The following ASIC2 variants were observed in gnomAD, a reference collection of about 807,000 sequenced individuals.
ASIC2 encodes acid sensing ion channel subunit 2.
A neutral mutation model predicts 57.3 loss-of-function variants in ASIC2; 25 were observed. The ratio of observed to expected loss-of-function variants is 0.44; its 90% CI spans 0.32 to 0.61. ASIC2 has a LOEUF of 0.61. ASIC2 is among the 20% of genes least tolerant of loss of function. The pLI, the probability that ASIC2 is intolerant of heterozygous loss-of-function variation, is 0.06. For missense variants in ASIC2, 641 were observed against 738.1 expected (o/e 0.87, Z 1.52); for synonymous variants, 319 against 307.5 (o/e 1.04, Z -0.39).
chr17:34,129,591 T>C (rs1911892400), intron 1 of ASIC2, among the ~76,000 whole-genome samples: 1 of 152,200 alleles, frequency 6.6e-6, no homozygotes, highest in Non-Finnish European at 1.5e-5. Context: ...AGAATAAACA[T>C]CACTGCCTAT....
At chr17:33,886,306 C>T (rs1173709152) in intron 1 of ASIC2, among the ~76,000 whole-genome samples, 1 of 152,036 alleles carries the variant, frequency 6.6e-6, no homozygotes, top group Non-Finnish European at 1.5e-5. Flanking sequence ...GACACACGAC[C>T]CTTTTTGATG....
intron 1 of ASIC2, among the ~76,000 whole-genome samples, chr17:33,237,388 T>C (rs1417647954): frequency 6.6e-6 from 1 of 152,016 alleles, no homozygotes; most frequent in Non-Finnish European, 1.5e-5. Context: ...TGTGCTCTTG[T>C]TGCCCAGGCT....
chr17:33,270,898 G>A (rs775985310), intron 1 of ASIC2, among the ~76,000 whole-genome samples: 1 of 152,110 alleles, frequency 6.6e-6, no homozygotes, highest in Non-Finnish European at 1.5e-5. Flanking sequence ...CAACATCTTG[G>A]ATAAACTGCA....
At chr17:33,050,056 A>C (rs532309342) in intron 3 of ASIC2, among the ~76,000 whole-genome samples, 1 of 152,328 alleles carries the variant, frequency 6.6e-6, no homozygotes, top group African/African-American at 2.4e-5. Flanking sequence ...AGAAAATGCT[A>C]TCGGGTAAGC....
intron 3 of ASIC2, among the ~76,000 whole-genome samples, chr17:33,033,040 C>T (rs903360917): frequency 1.2e-4 from 18 of 152,188 alleles, no homozygotes; most frequent in African/African-American, 2.9e-4. Flanking sequence ...GAGGCAAGGC[C>T]GAAGGATTCC....
At chr17:33,206,335 C>G (rs1456408730) in intron 1 of ASIC2, among the ~76,000 whole-genome samples, 1 of 152,140 alleles carries the variant, frequency 6.6e-6, no homozygotes, top group Non-Finnish European at 1.5e-5. Context: ...CACTTGTTGG[C>G]TGCTCTGCAT....
intron 1 of ASIC2, among the ~76,000 whole-genome samples, chr17:34,079,639 C>T (rs1226249781): frequency 6.6e-6 from 1 of 152,222 alleles, no homozygotes; most frequent in Non-Finnish European, 1.5e-5. Flanking sequence ...TAATACCTAA[C>T]ACAGGACTGA....
chr17:33,554,497 G>C (rs558926253), intron 1 of ASIC2, among the ~76,000 whole-genome samples: 3 of 152,120 alleles, frequency 2.0e-5, no homozygotes, highest in African/African-American at 4.8e-5. Context: ...TAGGGGAAGG[G>C]GTATTTCAAG....
At chr17:33,249,513 G>T (rs889271078) in intron 1 of ASIC2, among the ~76,000 whole-genome samples, 1 of 152,172 alleles carries the variant, frequency 6.6e-6, no homozygotes, top group African/African-American at 2.4e-5. Flanking sequence ...GGGGAGAAGA[G>T]GAGTCTCCGC....
intron 1 of ASIC2, among the ~76,000 whole-genome samples, chr17:33,552,909 C>T (rs996680687): frequency 2.6e-5 from 4 of 152,292 alleles, no homozygotes; most frequent in East Asian, 1.9e-4. Flanking sequence ...TCTCTTGCAC[C>T]GCCCTGGAGC....
intron 1 of ASIC2, among the ~76,000 whole-genome samples, chr17:33,874,278 G>T (rs1347576393): frequency 2.0e-5 from 3 of 152,102 alleles, no homozygotes; most frequent in African/African-American, 7.2e-5. Context: ...GGGATGAAAG[G>T]ACTTTAGACC....
chr17:34,119,421 A>G (rs995592743), intron 1 of ASIC2, among the ~76,000 whole-genome samples: 1 of 152,168 alleles, frequency 6.6e-6, no homozygotes, highest in Non-Finnish European at 1.5e-5. Context: ...ATACAGTTTG[A>G]TGTCTATTTT....
rs1412847921 is a variant in ASIC2, at chr17:33,762,814, G to C, written c.555+393164C>G. 2.0e-5 allele frequency among the ~76,000 whole-genome samples: 3 copies of C among 152,206 alleles called. No individual in the cohort carries two copies. In the South Asian group the frequency reaches 6.2e-4, roughly 32 times the overall value. On this transcript the variant is annotated intron_variant, in intron 1 of 9. Coordinates refer to the ASIC2 transcript ENST00000359872. ...ATGGTTGGGGATGAATATGTGAGGAGAGAAAAAGGTTGCAGATGGGCAGAG... is the reference window on the plus strand; with the variant it reads ...ATGGTTGGGGATGAATATGTGAGGACAGAAAAAGGTTGCAGATGGGCAGAG...
At chr17:33,139,511 C>T (rs1049447478) in intron 1 of ASIC2, among the ~76,000 whole-genome samples, 4 of 152,192 alleles carry the variant, frequency 2.6e-5, no homozygotes, top group Non-Finnish European at 4.4e-5. Flanking sequence ...CCCCCACAAC[C>T]CTTTCCTTGA....
Position 33,140,074 on chromosome 17 carries a change from T to C in ASIC2, c.709-28007A>G, listed in dbSNP as rs368098364. 7.2e-5 allele frequency among the ~76,000 whole-genome samples: 11 copies of C among 152,382 alleles called. No homozygotes were observed. In the East Asian group the frequency reaches 1.9e-3, roughly 27 times the overall value. ...GCACTACCTGGGGATAGTAAGAAGATACAGATTCCTGGGCCTGGCCCAGAG... is the reference window on the plus strand; with the variant it reads ...GCACTACCTGGGGATAGTAAGAAGACACAGATTCCTGGGCCTGGCCCAGAG... On this transcript the variant is annotated intron_variant, in intron 1 of 9. Coordinates refer to ENST00000225823, the MANE Select transcript of ASIC2 (RefSeq NM_183377.2).
intron 1 of ASIC2, chr17:34,118,657 C>A (rs1264163076): frequency 6.6e-6 from 1 of 152,184 alleles, no homozygotes; most frequent in African/African-American, 2.4e-5. Flanking sequence ...AAAGGCCGGT[C>A]CGGGTTAGGA....
At chr17:33,356,465 A>G (rs1228087210) in intron 1 of ASIC2, among the ~76,000 whole-genome samples, 1 of 152,028 alleles carries the variant, frequency 6.6e-6, no homozygotes, top group African/African-American at 2.4e-5. Context: ...CGGACATTGG[A>G]CCAGAAACAC....
chr17:34,115,665 T>C (rs981143955), intron 1 of ASIC2, among the ~76,000 whole-genome samples: 2 of 152,212 alleles, frequency 1.3e-5, no homozygotes, highest in African/African-American at 4.8e-5. Context: ...ACATTTTCAA[T>C]TCCTCCAAAT....
chr17:33,663,446 G>A (rs1199805916), intron 1 of ASIC2, among the ~76,000 whole-genome samples: 6 of 140,556 alleles, frequency 4.3e-5, no homozygotes, highest in East Asian at 2.0e-4. Context: ...GGCTAATGCC[G>A]TCGTTTTTTT....
Sources: allele counts gnomAD v4.1 joint callset (sites outside exome capture counted in the v4.1 genomes callset), GRCh38; gene constraint gnomAD v4.1.1; transcripts MANE v1.5; gene names NCBI Gene and HGNC (gene_info 2026-07-23, HGNC 2026-07-21).